LRRTM4: variants seen among roughly 807,000 people sequenced by gnomAD.
LRRTM4 encodes the protein leucine-rich repeat transmembrane neuronal protein 4.
In LRRTM4, 25 loss-of-function variants were observed where a neutral mutation model predicts 47.6. That is an observed-to-expected ratio of 0.53 (90% CI 0.38 to 0.73). LRRTM4 has a LOEUF of 0.73. Among genes scored for constraint, LRRTM4 ranks in the 30% least tolerant of loss-of-function variants. The probability of loss-of-function intolerance (pLI) is 0.00; values close to 1 mark genes in which losing one functional copy is unlikely to be tolerated. For missense variants in LRRTM4, 638 were observed against 713.4 expected (o/e 0.89, Z 1.20); for synonymous variants, 311 against 269.5 (o/e 1.15, Z -1.51).
intron 3 of LRRTM4, among the ~76,000 whole-genome samples, chr2:76,948,297 A>G (rs1675388654): frequency 6.6e-6 from 1 of 151,900 alleles, no homozygotes; most frequent in Non-Finnish European, 1.5e-5. Context: ...ATCCTGTTCA[A>G]TATTTAATTA....
rs547614211 is a variant in LRRTM4 at position 77,515,607 on chromosome 2, T to A, written c.1551+2711A>T. On this transcript the variant is annotated intron_variant, in intron 3 of 3. Transcript: ENST00000409884. Reference sequence around the variant, plus strand: ...AGAGTTTGGTGTTTTTAATTTTTTTTTAAAAAAACCTACCTCACAAAAATG... The same window carrying A: ...AGAGTTTGGTGTTTTTAATTTTTTTATAAAAAAACCTACCTCACAAAAATG... 4.8e-3 allele frequency among the ~76,000 whole-genome samples: 723 copies of A among 151,720 alleles called. 5 individuals are homozygous for A. The highest frequency in any genetic ancestry group is 0.014 in the South Asian group (69 of 4,814).
intron 3 of LRRTM4, among the ~76,000 whole-genome samples, chr2:76,798,282 C>G (rs999135142): frequency 6.6e-5 from 10 of 152,188 alleles, no homozygotes; most frequent in Admixed American, 5.2e-4. Flanking sequence ...AAATAGAACT[C>G]AGGATTAAGA....
At chr2:77,508,965 C>T (rs1678877455) in intron 3 of LRRTM4, among the ~76,000 whole-genome samples, 1 of 152,108 alleles carries the variant, frequency 6.6e-6, no homozygotes, top group Non-Finnish European at 1.5e-5. Flanking sequence ...GCCACAGCAG[C>T]TCATGCCTGT....
Position 77,411,618 on chromosome 2 carries a change from A to ATTT in LRRTM4, c.1551+106697_1551+106699dup, listed in dbSNP as rs1222177148. On this transcript the variant is annotated intron_variant, in intron 3 of 3. Transcript: ENST00000409884. ...CAGGCCCCCGCCACCATGCCCGGCT[A>ATTT]TTTTTTTTTTTTTTTTTTTTTTTTT... is the stretch of plus-strand genomic sequence containing the variant. 7.1e-3 allele frequency among the ~76,000 whole-genome samples: 460 copies of ATTT among 64,808 alleles called. 16 individuals are homozygous for ATTT. Among genetic ancestry groups the ATTT allele is most frequent in the South Asian group, 0.013 (19 of 1,472 alleles). 42.5% of individuals were successfully genotyped at this position (64,808 alleles called of 152,430 possible). A position where few individuals can be genotyped will look rare whatever the true frequency, so the allele number is the denominator to read the frequency against.
At chr2:77,189,592 A>T (rs1673606805) in intron 3 of LRRTM4, among the ~76,000 whole-genome samples, 1 of 152,012 alleles carries the variant, frequency 6.6e-6, no homozygotes, top group Non-Finnish European at 1.5e-5. Flanking sequence ...GAAATCTGCC[A>T]CCCAAAAGAC....
At chr2:77,309,318 A>T (rs570820588) in intron 3 of LRRTM4, among the ~76,000 whole-genome samples, 1 of 152,306 alleles carries the variant, frequency 6.6e-6, no homozygotes, top group East Asian at 1.9e-4. Flanking sequence ...GAAACGTGAA[A>T]ATATGAGAAA....
chr2:76,944,721 T>C lies in LRRTM4; in HGVS notation c.1552-195805A>G, dbSNP rs79047383. Reference sequence around the variant, plus strand: ...ATATTTATCTACTGAAAATTAGGATTGTAGGGAAATTCAGCTGGGAAATTG... The same window carrying C: ...ATATTTATCTACTGAAAATTAGGATCGTAGGGAAATTCAGCTGGGAAATTG... On this transcript the variant is annotated intron_variant, in intron 3 of 3. Coordinates refer to ENST00000409884, the MANE Select transcript of LRRTM4 (RefSeq NM_001134745.3). Among the ~76,000 whole-genome samples the C allele has an allele frequency of 3.0e-3, 454 of 152,174 alleles. 3 individuals carry two copies. The highest frequency in any genetic ancestry group is 0.01 in the African/African-American group (423 of 41,548).
chr2:77,072,048 G>C (rs1680172185), intron 3 of LRRTM4, among the ~76,000 whole-genome samples: 1 of 152,002 alleles, frequency 6.6e-6, no homozygotes, highest in Non-Finnish European at 1.5e-5. Flanking sequence ...ACTTGTTTTT[G>C]ACTAATTTGA....
intron 3 of LRRTM4, among the ~76,000 whole-genome samples, chr2:77,072,637 G>A (rs940127863): frequency 7.3e-5 from 11 of 151,494 alleles, no homozygotes; most frequent in African/African-American, 2.7e-4. Context: ...GTCTGTACTA[G>A]GTATACAGAA....
At chr2:77,298,438 C>G (rs188924080) in intron 3 of LRRTM4, among the ~76,000 whole-genome samples, 1 of 152,094 alleles carries the variant, frequency 6.6e-6, no homozygotes, top group African/African-American at 2.4e-5. Context: ...GGGTGTTCAC[C>G]GTGTTAGCCA....
At chr2:77,521,446 T>C (rs1573525494) in intron 2 of LRRTM4, among the ~76,000 whole-genome samples, 1 of 151,162 alleles carries the variant, frequency 6.6e-6, no homozygotes, top group Admixed American at 6.6e-5. Context: ...TTCTCTAGAG[T>C]CTGTTTAAGT....
intron 3 of LRRTM4, among the ~76,000 whole-genome samples, chr2:76,859,835 A>C (rs1162458449): frequency 6.6e-6 from 1 of 152,142 alleles, no homozygotes; most frequent in Non-Finnish European, 1.5e-5. Context: ...AGTGGACATA[A>C]ATATTCCAAT....
At position 76,748,051 on chromosome 2, in the gene LRRTM4, C is replaced by A. The variant is rs1402655862; in HGVS notation, c.*644G>T. On this transcript the variant is annotated 3_prime_UTR_variant, in exon 4 of 4. Coordinates refer to ENST00000409884, the MANE Select transcript of LRRTM4 (RefSeq NM_001134745.3). Reference sequence around the variant, plus strand: ...CATTCACCCAGACTTATTGGGTTTTCCAGTAGTTTTGTCAAACTTTGTGGT... The same window carrying A: ...CATTCACCCAGACTTATTGGGTTTTACAGTAGTTTTGTCAAACTTTGTGGT... The A allele has an allele frequency of 6.6e-6, 1 of 152,338 alleles. No homozygotes were observed. The highest frequency in any genetic ancestry group is 1.5e-5 in the Non-Finnish European group (1 of 68,256). The allele number at this position is 152,338 out of a possible 1,614,324, so 9.4% of individuals were successfully genotyped here. A position where few individuals can be genotyped will look rare whatever the true frequency, so the allele number is the denominator to read the frequency against.
intron 3 of LRRTM4, among the ~76,000 whole-genome samples, chr2:77,053,179 G>T (rs1679496221): frequency 6.6e-6 from 1 of 152,118 alleles, no homozygotes; most frequent in Non-Finnish European, 1.5e-5. Flanking sequence ...AGATACAGGA[G>T]AAATGCTGTT....
At chr2:76,985,099 T>C (rs1434745604) in intron 3 of LRRTM4, among the ~76,000 whole-genome samples, 1 of 152,006 alleles carries the variant, frequency 6.6e-6, no homozygotes, top group Non-Finnish European at 1.5e-5. Context: ...CAGTTTCTCT[T>C]ATACAATTCC....
At chr2:77,258,718 G>A (rs904175456) in intron 3 of LRRTM4, among the ~76,000 whole-genome samples, 3 of 151,634 alleles carry the variant, frequency 2.0e-5, no homozygotes, top group African/African-American at 7.3e-5. Flanking sequence ...CTTGGAAATA[G>A]GGCAAATGAA....
Position 76,767,734 on chromosome 2 carries a change from G to T in LRRTM4, c.1552-18818C>A, listed in dbSNP as rs140220292. The stretch of plus-strand genomic sequence containing the variant: ...TCCTTAACTTCTTTCCTCCTGTCCT[G>T]CTTCCCTTTTTCTCTTCCTTTGTTC... On this transcript the variant is annotated intron_variant, in intron 3 of 3. Coordinates refer to ENST00000409884, the MANE Select transcript of LRRTM4 (RefSeq NM_001134745.3). Among the ~76,000 whole-genome samples, 621 of 152,096 alleles carry T rather than the reference G, an allele frequency of 4.1e-3. 9 individuals are homozygous for T. The South Asian group carries it at 0.047, about 12-fold the overall frequency.
chr2:77,160,758 G>A (rs1468468758), intron 3 of LRRTM4, among the ~76,000 whole-genome samples: 2 of 152,106 alleles, frequency 1.3e-5, no homozygotes, highest in African/African-American at 4.8e-5. Context: ...AAATCCTGGT[G>A]CTTGCTTTGA....
At chr2:77,233,923 G>C (rs1292668992) in intron 3 of LRRTM4, among the ~76,000 whole-genome samples, 2 of 151,990 alleles carry the variant, frequency 1.3e-5, no homozygotes, top group Non-Finnish European at 2.9e-5. Context: ...TCAGCCTCCC[G>C]AGTAGCTGGG....
Sources: allele counts gnomAD v4.1 joint callset (sites outside exome capture counted in the v4.1 genomes callset), GRCh38; gene constraint gnomAD v4.1.1; transcripts MANE v1.5; gene names NCBI Gene and HGNC (gene_info 2026-07-23, HGNC 2026-07-21).